Variants in PTPRD observed in about 807,000 individuals in gnomAD.
PTPRD encodes the protein receptor-type tyrosine-protein phosphatase delta.
PTPRD carries 34 observed loss-of-function variants against 214.5 expected under a neutral mutation model. That is an observed-to-expected ratio of 0.16 (90% CI 0.12 to 0.21). PTPRD has a LOEUF of 0.21. PTPRD is among the 10% of genes least tolerant of loss of function. PTPRD has a pLI of 1.00. For missense variants in PTPRD, 2,545 were observed against 2,398.7 expected, an observed-to-expected ratio of 1.06 and a Z score of -1.27; for synonymous variants, 1,128 against 845.7, an observed-to-expected ratio of 1.33 and a Z score of -5.79.
At chr9:8,409,461 T>C (rs543868530) in intron 35 of PTPRD, among the ~76,000 whole-genome samples, 2 of 152,254 alleles carry the variant, frequency 1.3e-5, no homozygotes, top group African/African-American at 4.8e-5. Flanking sequence ...ACAATCTGTG[T>C]AGTACTGCTG....
chr9:10,034,093 C>G (rs772296316), intron 3 of PTPRD, among the ~76,000 whole-genome samples: 5 of 152,028 alleles, frequency 3.3e-5, no homozygotes, highest in Non-Finnish European at 7.4e-5. Context: ...TCCTATTTCA[C>G]TACTAATGTC....
chr9:9,586,671 C>G (rs1400709968), intron 7 of PTPRD, among the ~76,000 whole-genome samples: 3 of 151,790 alleles, frequency 2.0e-5, no homozygotes, highest in East Asian at 3.9e-4. Flanking sequence ...ACCATTTATG[C>G]TAAATAGGTT....
At chr9:8,679,103 T>G (rs548427942) in intron 12 of PTPRD, among the ~76,000 whole-genome samples, 2 of 152,126 alleles carry the variant, frequency 1.3e-5, no homozygotes, top group African/African-American at 4.8e-5. Context: ...AGTACAGGAA[T>G]AGCAACCATT....
intron 9 of PTPRD, among the ~76,000 whole-genome samples, chr9:9,311,183 G>A (rs948575833): frequency 2.0e-5 from 3 of 152,052 alleles, no homozygotes; most frequent in African/African-American, 7.2e-5. Context: ...ACAACACAAT[G>A]AATTAGCTGT....
chr9:8,522,072 T>A (rs951519565), intron 19 of PTPRD, among the ~76,000 whole-genome samples: 1 of 152,206 alleles, frequency 6.6e-6, no homozygotes, highest in African/African-American at 2.4e-5. Context: ...AAGTGCACTT[T>A]ATGTTTTCAG....
At position 8,329,483 on chromosome 9, in the gene PTPRD, A is replaced by T. The variant is rs186696575; in HGVS notation, c.5534+2099T>A. ...CTGTGAGGTGTCACCCAGTCAGGATACATGGGGGTCAGGGACCCACTTGAG... is the reference window on the plus strand; with the variant it reads ...CTGTGAGGTGTCACCCAGTCAGGATTCATGGGGGTCAGGGACCCACTTGAG... On this transcript the variant is annotated intron_variant, in intron 44 of 45. Coordinates refer to ENST00000381196, the MANE Select transcript of PTPRD (RefSeq NM_002839.4). Among the ~76,000 whole-genome samples, 338 of 152,222 alleles carry T rather than the reference A, an allele frequency of 2.2e-3. 2 individuals carry two copies. Among genetic ancestry groups the T allele is most frequent in the Non-Finnish European group, 3.5e-3 (240 of 68,020 alleles).
intron 8 of PTPRD, among the ~76,000 whole-genome samples, chr9:9,486,334 C>G (rs1214813997): frequency 6.6e-6 from 1 of 152,010 alleles, no homozygotes; most frequent in African/African-American, 2.4e-5. Flanking sequence ...CTTTTCCACC[C>G]CATCACTTCC....
Position 8,317,553 on chromosome 9 carries a change from C to T in PTPRD, c.*321G>A. On this transcript the variant is annotated 3_prime_UTR_variant, in exon 46 of 46. Transcript: ENST00000381196. Reference sequence around the variant, plus strand: ...GCAATTTCTCCTTGCACCTTTCAAGCAATCCTGAATAAGATGGTGGTTCTT... The same window carrying T: ...GCAATTTCTCCTTGCACCTTTCAAGTAATCCTGAATAAGATGGTGGTTCTT... The T allele has an allele frequency of 3.4e-6, 1 of 297,328 alleles. No individual in the cohort carries two copies. Among genetic ancestry groups the T allele is most frequent in the African/African-American group, 2.1e-5 (1 of 48,060 alleles). The allele number at this position is 297,328 out of a possible 1,614,324, so 18.4% of individuals were successfully genotyped here.
intron 7 of PTPRD, among the ~76,000 whole-genome samples, chr9:9,607,614 C>A (rs955062695): frequency 9.9e-5 from 15 of 152,018 alleles, no homozygotes; most frequent in African/African-American, 3.6e-4. Flanking sequence ...GAATTTGAAA[C>A]GCCTGAGAGG....
intron 11 of PTPRD, among the ~76,000 whole-genome samples, chr9:8,981,964 G>A (rs2099314916): frequency 6.6e-6 from 1 of 152,000 alleles, no homozygotes; most frequent in Non-Finnish European, 1.5e-5. Flanking sequence ...AATCTCGCCA[G>A]AGCAAAAGGT....
chr9:8,415,672 G>A (rs1251865321), intron 35 of PTPRD, among the ~76,000 whole-genome samples: 4 of 152,024 alleles, frequency 2.6e-5, no homozygotes, highest in Non-Finnish European at 5.9e-5. Flanking sequence ...AAAAATCTGT[G>A]TATTAACATA....
chr9:8,661,260 C>T (rs1034983883), intron 12 of PTPRD, among the ~76,000 whole-genome samples: 3 of 152,024 alleles, frequency 2.0e-5, no homozygotes, highest in Non-Finnish European at 4.4e-5. Context: ...AAGGAGAAAT[C>T]GCCTCTTCAT....
chr9:10,258,052 G>C (rs2093416311), intron 3 of PTPRD, among the ~76,000 whole-genome samples: 1 of 152,128 alleles, frequency 6.6e-6, no homozygotes, highest in South Asian at 2.1e-4. Flanking sequence ...GAGAGAAAGT[G>C]AGTCAGTCGG....
chr9:10,348,174 CCT>C (rs1430172970), intron 2 of PTPRD, among the ~76,000 whole-genome samples: 1 of 152,174 alleles, frequency 6.6e-6, no homozygotes, highest in Admixed American at 6.5e-5. Context: ...AACTTCTCTT[CCT>C]CTCTCCTTCC....
At chr9:8,982,238 A>G (rs894652129) in intron 11 of PTPRD, among the ~76,000 whole-genome samples, 3 of 152,018 alleles carry the variant, frequency 2.0e-5, no homozygotes, top group African/African-American at 4.8e-5. Flanking sequence ...ACGTATTCCA[A>G]TGGCTCATTG....
At chr9:10,115,298 A>G (rs1309379326) in intron 3 of PTPRD, among the ~76,000 whole-genome samples, 1 of 152,090 alleles carries the variant, frequency 6.6e-6, no homozygotes, top group Non-Finnish European at 1.5e-5. Flanking sequence ...CTGATTAAGT[A>G]TGATACATAT....
chr9:9,914,407 C>A (rs920192426), intron 5 of PTPRD, among the ~76,000 whole-genome samples: 1 of 152,202 alleles, frequency 6.6e-6, no homozygotes, highest in African/African-American at 2.4e-5. Context: ...GTGTCCACCC[C>A]TAGTGGACAT....
chr9:9,514,991 G>C (rs1387368572), intron 8 of PTPRD, among the ~76,000 whole-genome samples: 3 of 152,068 alleles, frequency 2.0e-5, no homozygotes, highest in African/African-American at 7.2e-5. Flanking sequence ...ATCAATGCAA[G>C]AGGTCATGAA....
intron 11 of PTPRD, among the ~76,000 whole-genome samples, chr9:8,897,690 A>G (rs1364673656): frequency 1.3e-5 from 2 of 152,182 alleles, no homozygotes; most frequent in Admixed American, 1.3e-4. Flanking sequence ...ACCTGGCCAG[A>G]AGTAAAGAGC....
Sources: allele counts gnomAD v4.1 joint callset (sites outside exome capture counted in the v4.1 genomes callset), GRCh38; gene constraint gnomAD v4.1.1; transcripts MANE v1.5; gene names NCBI Gene and HGNC (gene_info 2026-07-23, HGNC 2026-07-21).